GLI2: variants seen among roughly 807,000 people sequenced by gnomAD.
The protein encoded by GLI2 is GLI family zinc finger 2.
A neutral mutation model predicts 78.9 loss-of-function variants in GLI2; 22 were observed. The ratio of observed to expected loss-of-function variants is 0.28; its 90% confidence interval spans 0.20 to 0.40. The LOEUF (loss-of-function observed/expected upper bound fraction) is 0.40. Among genes scored for constraint, GLI2 ranks in the 10% least tolerant of loss-of-function variants. GLI2 has a pLI of 1.00. For missense variants in GLI2, 2,097 were observed against 2,213.2 expected (o/e 0.95, Z 1.05); for synonymous variants, 974 against 963.7 (o/e 1.01, Z -0.20).
At chr2:120,867,049 C>A (rs933188407) in intron 2 of GLI2, 10 of 152,336 alleles carry the variant, frequency 6.6e-5, no homozygotes, top group Non-Finnish European at 1.2e-4. Context: ...ATGTCTTTCA[C>A]AGCCTTGTGC....
intron 2 of GLI2, among the ~76,000 whole-genome samples, chr2:120,823,532 A>G (rs1409235337): frequency 6.6e-6 from 1 of 152,190 alleles, no homozygotes; most frequent in Non-Finnish European, 1.5e-5. Flanking sequence ...TGAGAGAGTG[A>G]TGTGACATTC....
intron 2 of GLI2, among the ~76,000 whole-genome samples, chr2:120,920,657 G>T (rs189037051): frequency 6.6e-6 from 1 of 152,104 alleles, no homozygotes; most frequent in Non-Finnish European, 1.5e-5. Context: ...TCACTCCGCC[G>T]CCACCCTCAG....
In GLI2 at chr2:120,990,717, C is replaced by A; in HGVS notation, c.*42C>A. 6.6e-7 allele frequency: 1 copy of A among 1,525,754 alleles called. No individual in the cohort carries two copies. Among genetic ancestry groups the A allele is most frequent in the Non-Finnish European group, 9.0e-7 (1 of 1,112,966 alleles). The allele number at this position is 1,525,754 out of a possible 1,614,324, so 94.5% of individuals were successfully genotyped here. ...TGCTGAGTGCACCCGGAGGGGTCATCGCTGCCCAGAGCCTGGGGATTCCAG... is the reference window on the plus strand; with the variant it reads ...TGCTGAGTGCACCCGGAGGGGTCATAGCTGCCCAGAGCCTGGGGATTCCAG... On this transcript the variant is annotated 3_prime_UTR_variant, in exon 14 of 14. Coordinates refer to ENST00000361492, the MANE Select transcript of GLI2 (RefSeq NM_001374353.1).
chr2:120,798,230 G>C (rs561065175), intron 2 of GLI2, among the ~76,000 whole-genome samples: 1 of 152,250 alleles, frequency 6.6e-6, no homozygotes, highest in Non-Finnish European at 1.5e-5. Flanking sequence ...AGCAGGCAGG[G>C]AAGAGAATGC....
intron 2 of GLI2, among the ~76,000 whole-genome samples, chr2:120,892,169 C>T (rs888858951): frequency 1.3e-5 from 2 of 152,224 alleles, no homozygotes; most frequent in Admixed American, 1.3e-4. Context: ...AAGATTTGGT[C>T]TCTTTGCTCA....
chr2:120,839,826 G>C (rs759703978), intron 2 of GLI2, among the ~76,000 whole-genome samples: 4 of 152,150 alleles, frequency 2.6e-5, no homozygotes, highest in Non-Finnish European at 4.4e-5. Context: ...GCCTCCCAAA[G>C]TGCTGGGATT....
At chr2:120,858,440 T>C (rs571050668) in intron 2 of GLI2, among the ~76,000 whole-genome samples, 2 of 152,338 alleles carry the variant, frequency 1.3e-5, no homozygotes, top group East Asian at 3.9e-4. Flanking sequence ...GAAGCTTGGC[T>C]CTGGGTCAGG....
intron 2 of GLI2, among the ~76,000 whole-genome samples, chr2:120,845,617 GC>G (rs922529620): frequency 1.3e-5 from 2 of 152,218 alleles, no homozygotes; most frequent in African/African-American, 4.8e-5. Context: ...AAACGGCACA[GC>G]AGTCGGGAGC....
intron 2 of GLI2, among the ~76,000 whole-genome samples, chr2:120,835,917 T>A (rs1194305713): frequency 2.6e-5 from 4 of 152,200 alleles, no homozygotes; most frequent in Non-Finnish European, 5.9e-5. Flanking sequence ...TTTGCCATTT[T>A]TAGTCTGCAG....
At chr2:120,781,475 C>T (rs909823127) in intron 1 of GLI2, among the ~76,000 whole-genome samples, 4 of 152,240 alleles carry the variant, frequency 2.6e-5, no homozygotes, top group African/African-American at 4.8e-5. Flanking sequence ...TTTTCCTACC[C>T]TCTTTCGCTT....
chr2:120,950,546 G>T (rs1021385748), intron 3 of GLI2, among the ~76,000 whole-genome samples: 1 of 152,230 alleles, frequency 6.6e-6, no homozygotes, highest in Admixed American at 6.5e-5. Context: ...CAAGCCAGCG[G>T]CACCAAGCCC....
At chr2:120,952,069 A>G (rs1405079332) in intron 4 of GLI2, among the ~76,000 whole-genome samples, 6 of 152,194 alleles carry the variant, frequency 3.9e-5, no homozygotes. Context: ...CTAAAGTTTT[A>G]CACTTCTAGT....
chr2:120,789,033 C>CT (rs35017068), intron 1 of GLI2, among the ~76,000 whole-genome samples: 29,431 of 126,124 alleles, frequency 0.23, 4,479 homozygotes, highest in African/African-American at 0.44. Context: ...TTCTTTCTTT[C>CT]TTTTTTTTTT....
chr2:120,748,536 G>A (rs1247999312), intron 1 of GLI2, among the ~76,000 whole-genome samples: 1 of 152,182 alleles, frequency 6.6e-6, no homozygotes, highest in East Asian at 1.9e-4. Flanking sequence ...GGGAGAGTCA[G>A]CGTGGGGTTG....
intron 2 of GLI2, among the ~76,000 whole-genome samples, chr2:120,845,308 C>T (rs1187170330): frequency 2.6e-5 from 4 of 152,106 alleles, no homozygotes; most frequent in Non-Finnish European, 5.9e-5. Flanking sequence ...GAAAGAGATG[C>T]TTTGGAAATG....
intron 1 of GLI2, among the ~76,000 whole-genome samples, chr2:120,748,100 C>G (rs1204155205): frequency 6.6e-6 from 1 of 152,182 alleles, no homozygotes; most frequent in Non-Finnish European, 1.5e-5. Flanking sequence ...TTGCCTAGGA[C>G]GGAGCCTACT....
chr2:120,793,788 AC>A (rs886138636), intron 1 of GLI2, among the ~76,000 whole-genome samples: 10 of 152,258 alleles, frequency 6.6e-5, no homozygotes, highest in Non-Finnish European at 1.3e-4. Context: ...CTCCTCCCTC[AC>A]TACATTCACC....
chr2:120,809,957 TG>T (rs538839059), intron 2 of GLI2, among the ~76,000 whole-genome samples: 2 of 152,110 alleles, frequency 1.3e-5, no homozygotes, highest in South Asian at 4.1e-4. Flanking sequence ...TCTGCAGTGG[TG>T]GGGGCTGCGG....
intron 2 of GLI2, among the ~76,000 whole-genome samples, chr2:120,908,976 A>C (rs1573580439): frequency 6.6e-6 from 1 of 152,090 alleles, no homozygotes; most frequent in South Asian, 2.1e-4. Context: ...GGAAAATGGC[A>C]TCCCTGACCC....
Sources: gnomAD v4.1 joint callset for allele counts (sites outside exome capture counted in the v4.1 genomes callset) on GRCh38, gnomAD v4.1.1 for gene constraint, MANE v1.5 for transcripts, NCBI Gene and HGNC (gene_info 2026-07-23, HGNC 2026-07-21) for gene names.